The following ZNF385D variants were observed in gnomAD, a reference collection of about 807,000 sequenced individuals.
ZNF385D encodes zinc finger protein 659.
ZNF385D carries 15 observed loss-of-function variants against 35.8 expected under a neutral mutation model. The observed-to-expected ratio is 0.42, with a 90% CI of 0.28 to 0.64. ZNF385D has a LOEUF of 0.64. ZNF385D is among the 30% of genes least tolerant of loss of function. The probability of loss-of-function intolerance (pLI) is 0.23; values close to 1 mark genes in which losing one functional copy is unlikely to be tolerated. For missense variants in ZNF385D, 474 were observed against 494.6 expected (o/e 0.96, Z 0.39); for synonymous variants, 212 against 186.8 (o/e 1.13, Z -1.10).
rs148898024 is a variant in ZNF385D at position 21,542,452 on chromosome 3, A to G, written c.276+22122T>C. On this transcript the variant is annotated intron_variant, in intron 3 of 7. Transcript: ENST00000281523. The stretch of plus-strand genomic sequence containing the variant: ...AACCTCGAACCGCTGGGCTCAAGCA[A>G]TCCTCAAACCTCTGCTTCTCAAGTA... Among the ~76,000 whole-genome samples, 639 of 151,614 alleles carry G rather than the reference A, an allele frequency of 4.2e-3. 4 individuals are homozygous for G. The highest frequency in any genetic ancestry group is 0.015 in the African/African-American group (612 of 41,260).
At chr3:21,607,866 T>G (rs1253471010) in intron 2 of ZNF385D, among the ~76,000 whole-genome samples, 1 of 152,132 alleles carries the variant, frequency 6.6e-6, no homozygotes, top group Non-Finnish European at 1.5e-5. Context: ...GGTCCCATCC[T>G]TTTAAGATGC....
chr3:21,694,041 G>GTTTTTTTTTTTTTTTTTTTT (rs1559525354), intron 1 of ZNF385D, among the ~76,000 whole-genome samples: 5 of 24,204 alleles, frequency 2.1e-4, no homozygotes, highest in East Asian at 7.0e-4. Context: ...ACTACGCCTG[G>GTTTTTTTTTTTTTTTTTTTT]CTTTTTTTTT....
intron 3 of ZNF385D, among the ~76,000 whole-genome samples, chr3:21,521,727 A>G (rs1707920891): frequency 6.6e-6 from 1 of 151,792 alleles, no homozygotes; most frequent in African/African-American, 2.4e-5. Flanking sequence ...TAGTCAACGG[A>G]GTGAGATACT....
At chr3:21,471,542 T>C (rs1703901827) in intron 4 of ZNF385D, among the ~76,000 whole-genome samples, 1 of 152,114 alleles carries the variant, frequency 6.6e-6, no homozygotes, top group Non-Finnish European at 1.5e-5. Context: ...TCAGCCTACA[T>C]TATTTATGGT....
chr3:21,978,497 T>G (rs1004380222), intron 3 of ZNF385D, among the ~76,000 whole-genome samples: 5 of 152,208 alleles, frequency 3.3e-5, no homozygotes, highest in African/African-American at 1.2e-4. Flanking sequence ...ATGTGGGTGT[T>G]CTGGTGTGAC....
At chr3:21,657,590 C>G (rs2066111148) in intron 2 of ZNF385D, among the ~76,000 whole-genome samples, 1 of 151,946 alleles carries the variant, frequency 6.6e-6, no homozygotes, top group Admixed American at 6.6e-5. Flanking sequence ...TCTGCTACAT[C>G]TGTCTTCAAA....
chr3:22,228,435 C>T (rs1002233515), intron 2 of ZNF385D, among the ~76,000 whole-genome samples: 4 of 152,094 alleles, frequency 2.6e-5, no homozygotes, highest in Non-Finnish European at 5.9e-5. Context: ...CACCTGGGTT[C>T]CATGTGGAAG....
At chr3:21,952,811 A>T (rs1179432724) in intron 3 of ZNF385D, among the ~76,000 whole-genome samples, 3 of 151,968 alleles carry the variant, frequency 2.0e-5, no homozygotes, top group African/African-American at 7.2e-5. Context: ...AAAGTTCCAA[A>T]ACTAAACATT....
At chr3:22,041,388 G>C (rs1698654522) in intron 3 of ZNF385D, among the ~76,000 whole-genome samples, 1 of 152,262 alleles carries the variant, frequency 6.6e-6, no homozygotes, top group East Asian at 1.9e-4. Context: ...GCAAGTTGGA[G>C]AACTGGGGTA....
chr3:21,815,492 G>A (rs187619001), intron 3 of ZNF385D, among the ~76,000 whole-genome samples: 4 of 152,272 alleles, frequency 2.6e-5, no homozygotes, highest in Admixed American at 1.3e-4. Context: ...AAATGATAAA[G>A]GGGATATCAC....
chr3:21,592,543 CAAA>C (rs3041752), intron 2 of ZNF385D, among the ~76,000 whole-genome samples: 3 of 124,968 alleles, frequency 2.4e-5, no homozygotes, highest in African/African-American at 8.7e-5. Flanking sequence ...GTCTTCATGG[CAAA>C]AAAAAAAAAC....
chr3:22,234,243 C>T (rs902326711), intron 2 of ZNF385D, among the ~76,000 whole-genome samples: 15 of 152,026 alleles, frequency 9.9e-5, no homozygotes, highest in Non-Finnish European at 1.9e-4. Flanking sequence ...CAGACATCCC[C>T]TTTCATCTCC....
intron 2 of ZNF385D, among the ~76,000 whole-genome samples, chr3:22,247,854 C>T (rs891865967): frequency 2.6e-5 from 4 of 152,032 alleles, no homozygotes; most frequent in Non-Finnish European, 4.4e-5. Flanking sequence ...CCACCTGCCT[C>T]GGCCTCCCAA....
intron 3 of ZNF385D, among the ~76,000 whole-genome samples, chr3:21,837,887 T>G: frequency 8.7e-6 from 1 of 115,010 alleles, no homozygotes; most frequent in Non-Finnish European, 1.9e-5. Context: ...AAAAAAAAAA[T>G]TGGAGAAATA....
chr3:22,368,287 CAT>C (rs1696745929), intron 2 of ZNF385D, among the ~76,000 whole-genome samples: 1 of 152,164 alleles, frequency 6.6e-6, no homozygotes, highest in Non-Finnish European at 1.5e-5. Flanking sequence ...CTCTTTGAGA[CAT>C]ATCCCAATCT....
At chr3:21,511,928 C>T (rs1250475956) in intron 3 of ZNF385D, among the ~76,000 whole-genome samples, 2 of 150,706 alleles carry the variant, frequency 1.3e-5, no homozygotes, top group East Asian at 3.9e-4. Flanking sequence ...GTGGGTGGAT[C>T]ACGAGGTCAA....
chr3:21,959,197 C>G (rs543840863), intron 3 of ZNF385D, among the ~76,000 whole-genome samples: 2 of 152,182 alleles, frequency 1.3e-5, no homozygotes, highest in South Asian at 4.1e-4. Flanking sequence ...TGTGCTTTTC[C>G]TTGGTTAGAG....
intron 3 of ZNF385D, among the ~76,000 whole-genome samples, chr3:21,531,510 T>C (rs1261321158): frequency 1.3e-5 from 2 of 152,176 alleles, no homozygotes; most frequent in Non-Finnish European, 2.9e-5. Context: ...AACAACCAAG[T>C]TGTCCTTCAG....
intron 4 of ZNF385D, among the ~76,000 whole-genome samples, chr3:21,455,355 C>A (rs1383075846): frequency 1.3e-5 from 2 of 152,186 alleles, no homozygotes; most frequent in Non-Finnish European, 2.9e-5. Flanking sequence ...CCTACAGTAA[C>A]CAAAACAGCA....
Sources: gnomAD v4.1 joint callset for allele counts (sites outside exome capture counted in the v4.1 genomes callset) on GRCh38, gnomAD v4.1.1 for gene constraint, MANE v1.5 for transcripts, NCBI Gene and HGNC (gene_info 2026-07-23, HGNC 2026-07-21) for gene names.